RABGEF1: variants seen among roughly 807,000 people sequenced by gnomAD.
RABGEF1 encodes the protein rab5 GDP/GTP exchange factor.
Under a neutral mutation model 57.3 loss-of-function variants are expected in RABGEF1, and 26 were observed. That is an observed-to-expected ratio of 0.45 (90% confidence interval 0.33 to 0.63). The LOEUF (loss-of-function observed/expected upper bound fraction) is 0.63. Ranked by LOEUF, RABGEF1 falls within the 20% of genes least tolerant of loss-of-function variation. The pLI is 0.02. For missense variants in RABGEF1, 464 were observed against 607.6 expected (o/e 0.76, Z 2.48); for synonymous variants, 185 against 210.7 (o/e 0.88, Z 1.06).
intron 8 of RABGEF1, among the ~76,000 whole-genome samples, chr7:66,807,431 T>TAA (rs1788687616): frequency 6.6e-6 from 1 of 152,232 alleles, no homozygotes; most frequent in Non-Finnish European, 1.5e-5. Flanking sequence ...TGTCTCTTTG[T>TAA]AAAGTCTGTG....
At chr7:66,679,121 C>T (rs1789512578), upstream of RABGEF1, among the ~76,000 whole-genome samples, 1 of 152,156 alleles carries the variant, frequency 6.6e-6, no homozygotes, top group Non-Finnish European at 1.5e-5. Flanking sequence ...TCTTCTACAT[C>T]CCCTCATTCA....
At chr7:66,753,701 GTT>G (rs1224800315) in intron 1 of RABGEF1, among the ~76,000 whole-genome samples, 120 of 78,750 alleles carry the variant, frequency 1.5e-3, no homozygotes, top group Non-Finnish European at 5.1e-4. Flanking sequence ...TTTTGCCATC[GTT>G]TTTTTTTTTT....
chr7:66,809,261 C>A lies in RABGEF1; in HGVS notation c.1453C>A (p.Gln485Lys), dbSNP rs1160031296. The A allele has an allele frequency of 2.5e-6, 4 of 1,609,898 alleles. No individual in the cohort carries two copies. Among genetic ancestry groups the A allele is most frequent in the African/African-American group, 1.3e-5 (1 of 74,786 alleles). ...VENDKLPPPL[Q>K]PQVYAG Reference sequence around the variant, plus strand: ...AAATGATAAACTTCCTCCACCACTGCAACCTCAAGTTTATGCAGGATGATC... The same window carrying A: ...AAATGATAAACTTCCTCCACCACTGAAACCTCAAGTTTATGCAGGATGATC... Residue 485 changes from glutamine (Q) to lysine (K), a missense_variant, in exon 9 of 9, where the codon CAA becomes AAA. Coordinates refer to ENST00000284957, the MANE Select transcript of RABGEF1 (RefSeq NM_014504.3).
intron 1 of RABGEF1, among the ~76,000 whole-genome samples, chr7:66,705,024 A>T (rs1486744649): frequency 6.6e-6 from 1 of 152,128 alleles, no homozygotes; most frequent in Non-Finnish European, 1.5e-5. Context: ...TGTATACCTA[A>T]GTATTTCATT....
At chr7:66,669,305 G>C in the RABGEF1 span, 4 of 152,656 alleles carry the variant, frequency 2.6e-5, no homozygotes, top group Admixed American at 2.0e-4. Context: ...CCTTCTGCCA[G>C]CTCCCTCCCC....
chr7:66,779,996 G>A (rs912412763), intron 3 of RABGEF1, among the ~76,000 whole-genome samples: 10 of 152,170 alleles, frequency 6.6e-5, no homozygotes, highest in Non-Finnish European at 1.2e-4. Flanking sequence ...TAACTTGTAT[G>A]ATCATAACTA....
intron 1 of RABGEF1, among the ~76,000 whole-genome samples, chr7:66,754,951 G>T (rs1802348444): frequency 6.6e-6 from 1 of 152,046 alleles, no homozygotes; most frequent in African/African-American, 2.4e-5. Flanking sequence ...ACCATGGGAG[G>T]ATTGCTTGAG....
At chr7:66,779,173 T>G (rs1381330699) in intron 3 of RABGEF1, among the ~76,000 whole-genome samples, 1 of 151,606 alleles carries the variant, frequency 6.6e-6, no homozygotes, top group Non-Finnish European at 1.5e-5. Flanking sequence ...GTATAACTGA[T>G]TGAACAAAAA....
the RABGEF1 span, among the ~76,000 whole-genome samples, chr7:66,662,500 G>A: frequency 6.6e-6 from 1 of 152,190 alleles, no homozygotes; most frequent in Admixed American, 6.5e-5. Flanking sequence ...TGCCAGCTGA[G>A]GGTGTCTGAG....
rs916876858 is a variant in RABGEF1, at chr7:66,809,884, C to G, written c.*600C>G. ...CTCGAGAAGTGTTTAGACAAACTCC[C>G]CTTAAGATGTGCACTCCATCTTTAA... On this transcript the variant is annotated 3_prime_UTR_variant, in exon 9 of 9. Transcript: ENST00000284957. 1 of 152,602 alleles carries G rather than the reference C, an allele frequency of 6.6e-6. No individual in the cohort carries two copies. The highest frequency in any genetic ancestry group is 1.5e-5 in the Non-Finnish European group (1 of 68,072). 9.5% of individuals were successfully genotyped at this position (152,602 alleles called of 1,614,324 possible).
chr7:66,729,285 C>T (rs1797022726), intron 2 of RABGEF1, among the ~76,000 whole-genome samples: 2 of 151,906 alleles, frequency 1.3e-5, no homozygotes, highest in Middle Eastern at 3.4e-3. Flanking sequence ...TCGCCTTCAT[C>T]CTCCCCTCCA....
intron 3 of RABGEF1, among the ~76,000 whole-genome samples, chr7:66,782,239 C>T (rs1810090937): frequency 6.6e-6 from 1 of 152,076 alleles, no homozygotes. Context: ...CATAGTATAT[C>T]CAAATGGTTC....
At chr7:66,768,358 G>A (rs1172484663) in intron 1 of RABGEF1, among the ~76,000 whole-genome samples, 3 of 152,146 alleles carry the variant, frequency 2.0e-5, no homozygotes, top group Admixed American at 2.0e-4. Context: ...TGTCTGTTGA[G>A]GTTTTTTGCT....
chr7:66,670,894 TAC>T, the RABGEF1 span, among the ~76,000 whole-genome samples: 1,411 of 145,180 alleles, frequency 9.7e-3, 16 homozygotes, highest in African/African-American at 0.021. Flanking sequence ...CACATACGTA[TAC>T]ACACACACAC....
chr7:66,765,854 G>A (rs546940424), intron 1 of RABGEF1, among the ~76,000 whole-genome samples: 2 of 152,154 alleles, frequency 1.3e-5, no homozygotes, highest in Non-Finnish European at 2.9e-5. Context: ...TGGATTGAGA[G>A]GACAGTTTCC....
At chr7:66,686,547 T>G (rs948026169) in intron 1 of RABGEF1, among the ~76,000 whole-genome samples, 1 of 152,228 alleles carries the variant, frequency 6.6e-6, no homozygotes, top group Admixed American at 6.5e-5. Context: ...CATAGAGCAC[T>G]GTAGAAACGT....
intron 1 of RABGEF1, among the ~76,000 whole-genome samples, chr7:66,711,436 G>C (rs1794767610): frequency 6.7e-6 from 1 of 150,254 alleles, no homozygotes; most frequent in Admixed American, 6.6e-5. Context: ...AAGCTGTGAG[G>C]TTAGGTTGAA....
intron 1 of RABGEF1, among the ~76,000 whole-genome samples, chr7:66,742,279 C>G (rs1346193446): frequency 5.9e-5 from 9 of 152,208 alleles, no homozygotes; most frequent in Non-Finnish European, 1.2e-4. Context: ...GTCACTGATT[C>G]ATATCCGCAG....
At chr7:66,692,807 G>A (rs1483065015) in intron 1 of RABGEF1, among the ~76,000 whole-genome samples, 1 of 152,168 alleles carries the variant, frequency 6.6e-6, no homozygotes, top group East Asian at 1.9e-4. Flanking sequence ...GGAGGACATG[G>A]AGACTCCAAA....
Sources: gnomAD v4.1 joint callset for allele counts (sites outside exome capture counted in the v4.1 genomes callset) on GRCh38, gnomAD v4.1.1 for gene constraint, MANE v1.5 for transcripts, NCBI Gene and HGNC (gene_info 2026-07-23, HGNC 2026-07-21) for gene names.